The following ANOS1 variants were observed in gnomAD, a reference collection of about 807,000 sequenced individuals.
ANOS1 encodes anosmin 1.
A neutral mutation model predicts 59.0 loss-of-function variants in ANOS1; 6 were observed. The ratio of observed to expected loss-of-function variants is 0.10; its 90% CI spans 0.06 to 0.20. The LOEUF (loss-of-function observed/expected upper bound fraction) is 0.20, where lower values mean the gene tolerates loss of function less well. Ranked by LOEUF, ANOS1 falls within the 10% of genes least tolerant of loss-of-function variation. ANOS1 has a pLI of 1.00. For missense variants in ANOS1, 433 were observed against 542.3 expected, an observed-to-expected ratio of 0.80 and a Z score of 2.00; for synonymous variants, 217 against 223.4, an observed-to-expected ratio of 0.97 and a Z score of 0.25.
Position 8,597,224 on chromosome X carries a change from C to T in ANOS1, c.351G>A (p.Leu117=), listed in dbSNP as rs1418733684. The T allele has an allele frequency of 1.7e-6, 2 of 1,211,224 alleles. No homozygotes were observed. Among genetic ancestry groups the T allele is most frequent in the Non-Finnish European group, 2.2e-6 (2 of 895,048 alleles). The part of the protein sequence containing the change: ...PLFPKKSYEC[L]TSCEFLKYIL... ...TGTATTTGAGGAACTCACAGCTGGTCAAGCATTCGTAGCTCTTCTTGGGGA... is the reference window on the plus strand; with the variant it reads ...TGTATTTGAGGAACTCACAGCTGGTTAAGCATTCGTAGCTCTTCTTGGGGA... Residue 117 remains leucine (L), a synonymous_variant, in exon 4 of 14, where the codon TTG becomes TTA. Transcript: ENST00000262648.
intron 9 of ANOS1, among the ~76,000 whole-genome samples, chrX:8,553,642 A>G (rs1191702378): frequency 8.9e-6 from 1 of 111,734 alleles, no homozygotes; most frequent in Non-Finnish European, 1.9e-5. Flanking sequence ...AAAAATAATA[A>G]TTAATAATTT....
intron 3 of ANOS1, among the ~76,000 whole-genome samples, chrX:8,607,104 G>A (rs1930957496): frequency 8.9e-6 from 1 of 112,282 alleles, no homozygotes; most frequent in African/African-American, 3.2e-5. Flanking sequence ...GCAACAGAGT[G>A]AGTGAGATTC....
chrX:8,728,875 G>A (rs1236387), intron 1 of ANOS1, among the ~76,000 whole-genome samples: 40,508 of 110,359 alleles, frequency 0.37, 5,453 homozygotes, highest in East Asian at 0.61. Flanking sequence ...GTTTTTGGGC[G>A]TGGTTGACAG....
chrX:8,640,630 T>C (rs1051027325), intron 2 of ANOS1, among the ~76,000 whole-genome samples: 1 of 109,163 alleles, frequency 9.2e-6, no homozygotes, highest in African/African-American at 3.4e-5. Context: ...TCGCATTTCT[T>C]GTTTTTTTTT....
At chrX:8,568,164 T>C in intron 8 of ANOS1, 68 bp downstream of exon 8, 2 of 1,079,313 alleles carry the variant, frequency 1.9e-6, no homozygotes, top group Non-Finnish European at 2.6e-6. Flanking sequence ...CTCCCTCCAT[T>C]GTGCCTTGTT....
intron 2 of ANOS1, among the ~76,000 whole-genome samples, chrX:8,631,310 C>A (rs1472333002): frequency 2.7e-5 from 3 of 112,109 alleles, no homozygotes; most frequent in Admixed American, 9.5e-5. Flanking sequence ...CTAACTATAA[C>A]CACAGTATCA....
At chrX:8,701,332 A>C (rs1366331046) in intron 1 of ANOS1, among the ~76,000 whole-genome samples, 1 of 112,486 alleles carries the variant, frequency 8.9e-6, no homozygotes, top group African/African-American at 3.2e-5. Context: ...TGCAGTTATG[A>C]GAAAAGAAAA....
chrX:8,611,737 T>A (rs1316124761), intron 3 of ANOS1, among the ~76,000 whole-genome samples: 1 of 111,184 alleles, frequency 9.0e-6, no homozygotes, highest in Non-Finnish European at 1.9e-5. Flanking sequence ...TTTATACCCA[T>A]GAAATATCTT....
intron 2 of ANOS1, among the ~76,000 whole-genome samples, chrX:8,662,750 C>T (rs957368278): frequency 4.5e-5 from 5 of 112,129 alleles, no homozygotes; most frequent in African/African-American, 6.5e-5. Flanking sequence ...GGCCAGGTGC[C>T]GTGGCTCACG....
intron 1 of ANOS1, among the ~76,000 whole-genome samples, chrX:8,705,899 G>A (rs138887821): frequency 8.9e-6 from 1 of 112,300 alleles, no homozygotes; most frequent in African/African-American, 3.2e-5. Flanking sequence ...TGGGACTTTT[G>A]TAATTATATA....
chrX:8,618,690 AT>A (rs1456845083), intron 3 of ANOS1, among the ~76,000 whole-genome samples: 1 of 112,457 alleles, frequency 8.9e-6, no homozygotes, highest in Admixed American at 9.5e-5. Context: ...GATTCCATTG[AT>A]TGTGAGAAAG....
At chrX:8,725,599 T>TAC (rs1436352181) in intron 1 of ANOS1, among the ~76,000 whole-genome samples, 5 of 55,984 alleles carry the variant, frequency 8.9e-5, no homozygotes, top group Admixed American at 1.9e-4. Flanking sequence ...TATACAGATA[T>TAC]ATATATACAG....
intron 2 of ANOS1, among the ~76,000 whole-genome samples, chrX:8,662,956 G>A (rs1273815693): frequency 1.8e-5 from 2 of 112,102 alleles, no homozygotes; most frequent in African/African-American, 3.2e-5. Context: ...CCCGGGAGGC[G>A]GAGGTTGCGA....
intron 2 of ANOS1, among the ~76,000 whole-genome samples, chrX:8,664,627 G>C (rs192134264): frequency 3.7e-4 from 41 of 111,056 alleles, no homozygotes; most frequent in African/African-American, 1.2e-3. Flanking sequence ...TTTCAGTTGA[G>C]CCTTTTCCAT....
At chrX:8,581,663 A>G (rs1930427301) in intron 6 of ANOS1, among the ~76,000 whole-genome samples, 1 of 111,935 alleles carries the variant, frequency 8.9e-6, no homozygotes, top group African/African-American at 3.2e-5. Flanking sequence ...AGGAGACTTA[A>G]CCAGTACACT....
At chrX:8,683,736 C>T (rs915404258) in intron 2 of ANOS1, among the ~76,000 whole-genome samples, 29 of 111,728 alleles carry the variant, frequency 2.6e-4, no homozygotes, top group Admixed American at 2.3e-3. Flanking sequence ...TTCTTTAAAT[C>T]ATCTTAGGGC....
intron 1 of ANOS1, among the ~76,000 whole-genome samples, chrX:8,725,605 TAC>T (rs1474607264): frequency 1.8e-5 from 1 of 55,405 alleles, no homozygotes; most frequent in Admixed American, 2.0e-4. Flanking sequence ...GATATATATA[TAC>T]AGATATATAT....
At chrX:8,681,506 T>C (rs1932425581) in intron 2 of ANOS1, among the ~76,000 whole-genome samples, 1 of 111,790 alleles carries the variant, frequency 8.9e-6, no homozygotes. Context: ...TTTCTCTTCC[T>C]CATGGCCACA....
intron 3 of ANOS1, among the ~76,000 whole-genome samples, chrX:8,622,998 C>CGGATG (rs1931319105): frequency 9.4e-6 from 1 of 106,821 alleles, no homozygotes; most frequent in Admixed American, 1.0e-4. Context: ...GATGGATAGC[C>CGGATG]GGATGGATGG....
Sources: allele counts gnomAD v4.1 joint callset (sites outside exome capture counted in the v4.1 genomes callset), GRCh38; gene constraint gnomAD v4.1.1; transcripts MANE v1.5; gene names NCBI Gene and HGNC (gene_info 2026-07-23, HGNC 2026-07-21).